Variants in ANXA6 observed in about 807,000 individuals in gnomAD.
The protein encoded by ANXA6 is annexin A6.
In ANXA6, 71 loss-of-function variants were observed where a neutral mutation model predicts 95.4. The ratio of observed to expected loss-of-function variants is 0.74; its 90% CI spans 0.61 to 0.91. The LOEUF (loss-of-function observed/expected upper bound fraction) is 0.91. Ranked by LOEUF, ANXA6 falls within the 40% of genes least tolerant of loss-of-function variation. ANXA6 has a pLI of 0.00. For synonymous variants in ANXA6, 289 were observed against 315.9 expected, an observed-to-expected ratio of 0.91 and a Z score of 0.90; for missense variants, 830 against 876.4, an observed-to-expected ratio of 0.95 and a Z score of 0.67.
At chr5:151,128,340 T>G in intron 12 of ANXA6, 101 bp from the exon 13 acceptor site, 1 of 992,490 alleles carries the variant, frequency 1.0e-6, no homozygotes, top group Non-Finnish European at 1.5e-6. Context: ...GAAGGCTGAA[T>G]GAACACTTAT....
intron 1 of ANXA6, chr5:151,155,779 A>C (rs567994634): frequency 6.6e-6 from 1 of 152,236 alleles, no homozygotes; most frequent in Non-Finnish European, 1.5e-5. Context: ...TATATGTCCT[A>C]TCCCTGTAGA....
At chr5:151,105,404 T>C (rs893107652) in intron 23 of ANXA6, 101 bp from the exon 24 acceptor site, 8 of 1,011,816 alleles carry the variant, frequency 7.9e-6, no homozygotes, top group Non-Finnish European at 1.2e-5. Flanking sequence ...TATCCCTGCA[T>C]GGGTCTGCAG....
At chr5:151,106,751 T>C (rs1764704118) in intron 23 of ANXA6, among the ~76,000 whole-genome samples, 2 of 152,164 alleles carry the variant, frequency 1.3e-5, no homozygotes, top group Non-Finnish European at 2.9e-5. Flanking sequence ...CCTAGGGCTT[T>C]ATCAGTCTGG....
intron 23 of ANXA6, 108 bp downstream of exon 23, chr5:151,108,347 T>G: frequency 2.0e-6 from 2 of 1,000,164 alleles, no homozygotes; most frequent in Non-Finnish European, 3.2e-6. Flanking sequence ...ACTGTGACAG[T>G]GTTTACTTTC....
rs761207063 is a variant in ANXA6, at chr5:151,123,043, A to G, written c.1139-32T>C. 2.5e-6 allele frequency: 4 copies of G among 1,588,982 alleles called. No homozygotes were observed. In the South Asian group the frequency reaches 4.4e-5, roughly 18 times the overall value. ...CACCAAAGCCACATGCCTCAGAAGA[A>G]GGCCTGTGGCTCTCGGCTTTCCCCA... On this transcript the variant is annotated intron_variant, in intron 15 of 25. Coordinates refer to ENST00000354546, the MANE Select transcript of ANXA6 (RefSeq NM_001155.5).
In ANXA6 at chr5:151,101,560, C is replaced by T. The variant is rs953561521; in HGVS notation, c.1963-53G>A. 3.4e-6 allele frequency: 5 copies of T among 1,468,206 alleles called. No individual in the cohort carries two copies. The East Asian group carries it at 7.4e-5, about 22-fold the overall frequency. The allele number at this position is 1,468,206 out of a possible 1,614,324, so 90.9% of individuals were successfully genotyped here. A position where few individuals can be genotyped will look rare whatever the true frequency, so the allele number is the denominator to read the frequency against. ...GAAAACAGTCCTTCCAGTCTCAATG[C>T]CCCCTCCTCCCGGCTGCCCATCTGT... On this transcript the variant is annotated intron_variant, in intron 25 of 25. Coordinates refer to ENST00000354546, the MANE Select transcript of ANXA6 (RefSeq NM_001155.5).
intron 2 of ANXA6, among the ~76,000 whole-genome samples, chr5:151,144,178 TCTAA>T (rs1765917459): frequency 6.6e-6 from 1 of 152,186 alleles, no homozygotes. Context: ...AGGGCAAGAC[TCTAA>T]CATCCTAGTG....
At chr5:151,135,703 T>G (rs1341671369) in intron 7 of ANXA6, among the ~76,000 whole-genome samples, 5 of 152,224 alleles carry the variant, frequency 3.3e-5, no homozygotes, top group Non-Finnish European at 5.9e-5. Context: ...ACCGCAACTT[T>G]CAATACATTA....
rs765001912 is a variant in ANXA6, at chr5:151,129,542, T to C, written c.796-13A>G. The C allele has an allele frequency of 1.9e-6, 3 of 1,593,308 alleles. No individual in the cohort carries two copies. Among genetic ancestry groups the C allele is most frequent in the Non-Finnish European group, 2.6e-6 (3 of 1,169,482 alleles). ...GAGTCCCCAGGCCCTGCAAGACAAG[T>C]GGGTTTGGGGAACATGGACTTGAGA... On this transcript the variant is annotated splice_polypyrimidine_tract_variant and intron_variant, in intron 11 of 25. Transcript: ENST00000354546.
chr5:151,127,858 C>T (rs754753775), intron 13 of ANXA6, among the ~76,000 whole-genome samples: 8 of 152,094 alleles, frequency 5.3e-5, no homozygotes, highest in Non-Finnish European at 8.8e-5. Context: ...GTGATGAAAC[C>T]GAGAAATGGC....
Position 151,128,194 on chromosome 5 carries a change from C to T in ANXA6, c.964G>A (p.Gly322Arg), listed in dbSNP as rs747136611. 2.5e-6 allele frequency: 4 copies of T among 1,612,420 alleles called. No homozygotes were observed. The highest frequency in any genetic ancestry group is 3.4e-6 in the Non-Finnish European group (4 of 1,179,368). The change falls in exon 13 of 26, where the codon GGG (glycine) becomes AGG (arginine). Residue 322 changes from glycine to arginine, a missense_variant. By Grantham distance (125) the Gly-to-Arg change is moderately radical. Coordinates refer to ENST00000354546, the MANE Select transcript of ANXA6 (RefSeq NM_001155.5). Reference protein sequence around the residue: ...EYKKTLLKLSGGDDDAAGQFF... With the variant: ...EYKKTLLKLSRGDDDAAGQFF... ...GAAGCCACTTACTCATCATCTCCCCCAGACAGCTTCAGCAGAGTCTTCTTG... is the reference window on the plus strand; with the variant it reads ...GAAGCCACTTACTCATCATCTCCCCTAGACAGCTTCAGCAGAGTCTTCTTG...
In ANXA6 at chr5:151,124,356, A is replaced by G. The variant is rs1399371815; in HGVS notation, c.1068T>C (p.Thr356=). 4 of 1,611,096 alleles carry G rather than the reference A, an allele frequency of 2.5e-6. No individual in the cohort carries two copies. Among genetic ancestry groups the G allele is most frequent in the African/African-American group, 2.7e-5 (2 of 74,868 alleles). The part of the protein sequence containing the change: ...SAVARVELKG[T]VRPANDFNPD... ...GGTTGAAGTCATTGGCTGGGCGCACAGTTCCCTTCAGCTGTGAGAAGCAGA... is the reference window on the plus strand; with the variant it reads ...GGTTGAAGTCATTGGCTGGGCGCACGGTTCCCTTCAGCTGTGAGAAGCAGA... Residue 356 remains threonine (T), a synonymous_variant, in exon 15 of 26, where the codon ACT becomes ACC. Transcript: ENST00000354546.
chr5:151,116,443 A>G (rs182388349), intron 20 of ANXA6, among the ~76,000 whole-genome samples: 1 of 152,188 alleles, frequency 6.6e-6, no homozygotes, highest in Admixed American at 6.5e-5. Context: ...CAGCCATAGA[A>G]CCCTCAGGGA....
At chr5:151,133,028 G>GAAAAT (rs72404752) in intron 9 of ANXA6, 66 bp downstream of exon 9, 325,767 of 1,160,628 alleles carry the variant, frequency 0.28, 47,748 homozygotes, top group African/African-American at 0.39. Flanking sequence ...GAAAAGAAAA[G>GAAAAT]AGATAAAGAA....
At position 151,109,798 on chromosome 5, in the gene ANXA6, A is replaced by T. The variant is rs757739987; in HGVS notation, c.1639T>A (p.Phe547Ile). 17 of 1,611,544 alleles carry T rather than the reference A, an allele frequency of 1.1e-5. No individual in the cohort carries two copies. The Admixed American group carries it at 2.7e-4, about 25-fold the overall frequency. Residue 547 changes from phenylalanine (F) to isoleucine (I), a missense_variant, in exon 22 of 26, where the codon TTC becomes ATC. Physicochemically the swap from Phe to Ile is conservative, Grantham distance 21. Coordinates refer to ENST00000354546, the MANE Select transcript of ANXA6 (RefSeq NM_001155.5). Reference protein sequence around the residue: ...SGDKTSLETRFMTILCTRSYP... With the variant: ...SGDKTSLETRIMTILCTRSYP... ...CTCCGGGTACACAGGATCGTCATGAAACGTGTCTCCAAGGAAGTTTTGTCT... is the reference window on the plus strand; with the variant it reads ...CTCCGGGTACACAGGATCGTCATGATACGTGTCTCCAAGGAAGTTTTGTCT...
At position 151,133,179 on chromosome 5, in the gene ANXA6, G is replaced by T. The variant is rs11543964; in HGVS notation, c.555C>A (p.Tyr185Ter). ...DLVQQDVQDL[Y>*]EAGELKWGTD... is the part of the protein sequence containing the mutation. ...TTCCCCATTTCAGTTCCCCTGCCTC[G>T]TATAGGTCCTGAAGGGGAAGAGGTG... is the stretch of plus-strand genomic sequence containing the variant. The change falls in exon 9 of 26, where the codon TAC becomes TAA. Residue 185 changes from tyrosine (Y) to a stop codon, truncating the protein, a stop_gained. Coordinates refer to ENST00000354546, the MANE Select transcript of ANXA6 (RefSeq NM_001155.5). LOFTEE classifies it high-confidence loss of function. 1 of 1,584,276 alleles carries T rather than the reference G, an allele frequency of 6.3e-7. No homozygotes were observed. Among genetic ancestry groups the T allele is most frequent in the Non-Finnish European group, 8.6e-7 (1 of 1,164,182 alleles).
At chr5:151,148,601 T>C (rs2113957421) in intron 1 of ANXA6, among the ~76,000 whole-genome samples, 1 of 152,372 alleles carries the variant, frequency 6.6e-6, no homozygotes, top group East Asian at 1.9e-4. Flanking sequence ...ATTTTTTAAA[T>C]TCTGTTTCTC....
At chr5:151,117,503 T>C (rs1309310545) in intron 19 of ANXA6, among the ~76,000 whole-genome samples, 1 of 152,174 alleles carries the variant, frequency 6.6e-6, no homozygotes, top group Non-Finnish European at 1.5e-5. Context: ...TATGGCTTTG[T>C]CCTGTGAGCT....
intron 17 of ANXA6, among the ~76,000 whole-genome samples, chr5:151,120,997 T>C (rs2113914412): frequency 6.6e-6 from 1 of 152,352 alleles, no homozygotes; most frequent in Non-Finnish European, 1.5e-5. Flanking sequence ...TTGGGTTACC[T>C]CATCGATCTC....
Sources: allele counts gnomAD v4.1 joint callset (sites outside exome capture counted in the v4.1 genomes callset), GRCh38; gene constraint gnomAD v4.1.1; transcripts MANE v1.5; gene names NCBI Gene and HGNC (gene_info 2026-07-23, HGNC 2026-07-21).